MTUS1: variants seen among roughly 807,000 people sequenced by gnomAD.
MTUS1 encodes microtubule associated scaffold protein 1, also known as microtubule-associated tumor suppressor 1.
A neutral mutation model predicts 120.8 loss-of-function variants in MTUS1; 109 were observed. That is an observed-to-expected ratio of 0.90 (90% CI 0.77 to 1.06). The LOEUF is 1.06. Ranked by LOEUF, MTUS1 falls within the 50% of genes least tolerant of loss-of-function variation. MTUS1 has a pLI of 0.00. For synonymous variants in MTUS1, 737 were observed against 550.5 expected (o/e 1.34, Z -4.74); for missense variants, 2,210 against 1,486.3 (o/e 1.49, Z -8.01).
chr8:17,693,350 T>C (rs76140942), intron 6 of MTUS1: 3,848 of 152,238 alleles, frequency 0.025, 83 homozygotes, highest in Non-Finnish European at 0.033. Flanking sequence ...AATTCACTCT[T>C]TTCCTCCTCT....
chr8:17,718,552 C>A (rs1430354357), intron 4 of MTUS1, among the ~76,000 whole-genome samples: 1 of 152,050 alleles, frequency 6.6e-6, no homozygotes, highest in African/African-American at 2.4e-5. Flanking sequence ...CTGGATGCAT[C>A]CTCAGAATCA....
chr8:17,788,139 C>T (rs1397231718), intron 1 of MTUS1, among the ~76,000 whole-genome samples: 1 of 152,092 alleles, frequency 6.6e-6, no homozygotes, highest in Non-Finnish European at 1.5e-5. Context: ...AAAAGACATT[C>T]TAAGGTGATG....
chr8:17,675,182 T>C lies in MTUS1; in HGVS notation c.2905+4A>G. 1 of 1,613,886 alleles carries C rather than the reference T, an allele frequency of 6.2e-7. No homozygotes were observed. Among genetic ancestry groups the C allele is most frequent in the Non-Finnish European group, 8.5e-7 (1 of 1,179,786 alleles). On this transcript the variant is annotated splice_donor_region_variant and intron_variant, in intron 8 of 14. Transcript: ENST00000693296. Reference sequence around the variant, plus strand: ...ATTTAACAACAACAACAAAAAGCTCTTACCTAGCTCTCCCCGGAGGTTAAC... The same window carrying C: ...ATTTAACAACAACAACAAAAAGCTCCTACCTAGCTCTCCCCGGAGGTTAAC...
chr8:17,789,829 T>C (rs1347393253), intron 1 of MTUS1, among the ~76,000 whole-genome samples: 1 of 152,140 alleles, frequency 6.6e-6, no homozygotes, highest in African/African-American at 2.4e-5. Context: ...ATATATTCCT[T>C]AGAAGACAAT....
In MTUS1 at chr8:17,654,334, G is replaced by A. The variant is rs756027771; in HGVS notation, c.3214+227C>T. ...AAAATGGCCTTTACAGTCTTCCAAAGCCCATCCTATTTAACACAAGGCTGG... is the reference window on the plus strand; with the variant it reads ...AAAATGGCCTTTACAGTCTTCCAAAACCCATCCTATTTAACACAAGGCTGG... On this transcript the variant is annotated intron_variant, in intron 10 of 14. Transcript: ENST00000693296. 8.2e-4 allele frequency: 453 copies of A among 551,722 alleles called. 2 individuals are homozygous for A. Among genetic ancestry groups the A allele is most frequent in the Non-Finnish European group, 5.2e-4 (161 of 309,626 alleles). The allele number at this position is 551,722 out of a possible 1,614,324, so 34.2% of individuals were successfully genotyped here. A position where few individuals can be genotyped will look rare whatever the true frequency, so the allele number is the denominator to read the frequency against.
chr8:17,686,842 G>C (rs984982206), intron 6 of MTUS1, among the ~76,000 whole-genome samples: 2 of 152,104 alleles, frequency 1.3e-5, no homozygotes, highest in African/African-American at 4.8e-5. Flanking sequence ...CAGCTAAAAA[G>C]TATCCTGAAG....
intron 1 of MTUS1, among the ~76,000 whole-genome samples, chr8:17,760,433 G>A (rs778743820): frequency 2.6e-5 from 4 of 152,060 alleles, no homozygotes; most frequent in Non-Finnish European, 4.4e-5. Flanking sequence ...CCAGCAAGAT[G>A]GAAGATCAAC....
intron 1 of MTUS1, among the ~76,000 whole-genome samples, chr8:17,759,903 AT>A (rs935886862): frequency 1.3e-5 from 2 of 150,892 alleles, no homozygotes; most frequent in South Asian, 2.1e-4. Flanking sequence ...TGGGTTTATG[AT>A]TTTTTTTTAA....
At chr8:17,710,279 C>G (rs1277579159) in intron 6 of MTUS1, among the ~76,000 whole-genome samples, 1 of 152,204 alleles carries the variant, frequency 6.6e-6, no homozygotes, top group African/African-American at 2.4e-5. Flanking sequence ...ATTTTACCCA[C>G]AGCAGAGAGT....
intron 1 of MTUS1, among the ~76,000 whole-genome samples, chr8:17,779,160 T>A (rs530571644): frequency 6.6e-5 from 10 of 152,214 alleles, no homozygotes; most frequent in Admixed American, 5.2e-4. Context: ...ACTGGAAAGG[T>A]TTCTAAATGT....
rs928159917 is a variant in MTUS1, at chr8:17,746,435, C to T, written c.2092-2636G>A. Among the ~76,000 whole-genome samples the T allele has an allele frequency of 2.0e-4, 31 of 152,136 alleles. 1 individual carries two copies. Among genetic ancestry groups the T allele is most frequent in the Non-Finnish European group, 5.9e-5 (4 of 68,026 alleles). Reference sequence around the variant, plus strand: ...TAAAGAAAAAGCAGTTTAATGGGCTCAGAGTTCCACGTGGCTAGGGAGGCT... The same window carrying T: ...TAAAGAAAAAGCAGTTTAATGGGCTTAGAGTTCCACGTGGCTAGGGAGGCT... On this transcript the variant is annotated intron_variant, in intron 2 of 14. Transcript: ENST00000693296.
Position 17,755,764 on chromosome 8 carries a change from T to C in MTUS1, c.44A>G (p.Gln15Arg). 6.2e-7 allele frequency: 1 copy of C among 1,613,890 alleles called. No individual in the cohort carries two copies. ...ATCTTTATCACTGGTAAAGAAGGTTTGCAATTCATCTTCTATTTTATCATC... is the reference window on the plus strand; with the variant it reads ...ATCTTTATCACTGGTAAAGAAGGTTCGCAATTCATCTTCTATTTTATCATC... The part of the protein sequence containing the change: ...NSDDKIEDEL[Q>R]TFFTSDKDGN... Residue 15 changes from glutamine (Q) to arginine (R), a missense_variant, in exon 2 of 15, where the codon CAA (glutamine) becomes CGA (arginine). By Grantham distance (43) the Gln-to-Arg change is conservative. Coordinates refer to ENST00000693296, the MANE Select transcript of MTUS1 (RefSeq NM_001363059.2).
intron 1 of MTUS1, among the ~76,000 whole-genome samples, chr8:17,800,366 C>T (rs750943488): frequency 6.6e-6 from 1 of 152,200 alleles, no homozygotes; most frequent in African/African-American, 2.4e-5. Context: ...ACAAAACACA[C>T]TGGATTTCCT....
intron 8 of MTUS1, among the ~76,000 whole-genome samples, chr8:17,671,589 G>A (rs1400206698): frequency 6.6e-6 from 1 of 152,224 alleles, no homozygotes; most frequent in African/African-American, 2.4e-5. Flanking sequence ...GTGAGACTGA[G>A]GGAACAACGG....
At position 17,703,893 on chromosome 8, in the gene MTUS1, T is replaced by C. The variant is rs118063273; in HGVS notation, c.2623+9321A>G. 3 of 152,358 alleles carry C rather than the reference T, an allele frequency of 2.0e-5. No homozygotes were observed. In the East Asian group the frequency reaches 5.8e-4, roughly 29 times the overall value. The allele number at this position is 152,358 out of a possible 1,614,324, so 9.4% of individuals were successfully genotyped here. A position where few individuals can be genotyped will look rare whatever the true frequency, so the allele number is the denominator to read the frequency against. ...TAATCTTTGCTCTGCCTTTTTCCCT[T>C]TGAGGCATGTGATCTTTGTGACGTA... On this transcript the variant is annotated intron_variant, in intron 6 of 14. Coordinates refer to ENST00000693296, the MANE Select transcript of MTUS1 (RefSeq NM_001363059.2).
chr8:17,671,733 C>T (rs955910753), intron 8 of MTUS1, among the ~76,000 whole-genome samples: 1 of 152,118 alleles, frequency 6.6e-6, no homozygotes, highest in Non-Finnish European at 1.5e-5. Context: ...AGTTTGGGTA[C>T]CTTGTCTCAA....
At chr8:17,742,083 G>A (rs2047357179) in intron 3 of MTUS1, among the ~76,000 whole-genome samples, 2 of 151,972 alleles carry the variant, frequency 1.3e-5, no homozygotes, top group South Asian at 4.2e-4. Flanking sequence ...CTACAGTAAG[G>A]ACCAGAGCTT....
At chr8:17,647,163 C>G (rs2129991413) in intron 13 of MTUS1, 84 bp from the exon 14 acceptor site, 1 of 993,476 alleles carries the variant, frequency 1.0e-6, no homozygotes, top group Non-Finnish European at 1.5e-6. Flanking sequence ...GACACAAGCA[C>G]ACTTTGGAGA....
chr8:17,694,739 G>C (rs922509173), intron 6 of MTUS1, among the ~76,000 whole-genome samples: 2 of 152,102 alleles, frequency 1.3e-5, no homozygotes, highest in Non-Finnish European at 2.9e-5. Context: ...GTCATGAAAA[G>C]AAACAGATAA....
Sources: allele counts gnomAD v4.1 joint callset (sites outside exome capture counted in the v4.1 genomes callset), GRCh38; gene constraint gnomAD v4.1.1; transcripts MANE v1.5; gene names NCBI Gene and HGNC (gene_info 2026-07-23, HGNC 2026-07-21).